The following MSH3 variants were observed in gnomAD, a reference collection of about 807,000 sequenced individuals.
The protein encoded by MSH3 is mutS homolog 3.
Under a neutral mutation model 123.3 loss-of-function variants are expected in MSH3, and 106 were observed. The observed-to-expected ratio is 0.86, with a 90% confidence interval of 0.73 to 1.01. The LOEUF (loss-of-function observed/expected upper bound fraction) is 1.01, where lower values mean the gene tolerates loss of function less well. MSH3 is among the 50% of genes least tolerant of loss of function. The pLI, the probability that MSH3 is intolerant of heterozygous loss-of-function variation, is 0.00. For missense variants in MSH3, 1,459 were observed against 1,347.6 expected (o/e 1.08, Z -1.29); for synonymous variants, 515 against 481.4 (o/e 1.07, Z -0.91).
intron 10 of MSH3, among the ~76,000 whole-genome samples, chr5:80,734,825 T>C (rs1449179217): frequency 1.3e-5 from 2 of 152,164 alleles, no homozygotes; most frequent in African/African-American, 4.8e-5. Context: ...CTAGTTTCCC[T>C]GCGCCCACCA....
intron 20 of MSH3, among the ~76,000 whole-genome samples, chr5:80,833,589 C>T (rs1745457753): frequency 6.6e-6 from 1 of 152,058 alleles, no homozygotes; most frequent in Admixed American, 6.6e-5. Context: ...ACTACAGGAG[C>T]GTGCCACCAC....
At chr5:80,771,513 T>C (rs1744213004) in intron 15 of MSH3, among the ~76,000 whole-genome samples, 1 of 151,392 alleles carries the variant, frequency 6.6e-6, no homozygotes, top group African/African-American at 2.4e-5. Context: ...TATTCTCAAA[T>C]TATTTAGAGG....
chr5:80,740,650 G>A (rs26268), intron 10 of MSH3, among the ~76,000 whole-genome samples: 18,991 of 151,798 alleles, frequency 0.13, 1,319 homozygotes, highest in Middle Eastern at 0.2. Context: ...GTGAGCCACT[G>A]TGCCTGGCCG....
chr5:80,828,457 A>G (rs756002728), intron 20 of MSH3, among the ~76,000 whole-genome samples: 7 of 152,208 alleles, frequency 4.6e-5, no homozygotes, highest in Non-Finnish European at 5.9e-5. Context: ...AGAGGGGACA[A>G]ACATTCAAAC....
chr5:80,700,384 T>A (rs1398479212), intron 8 of MSH3, among the ~76,000 whole-genome samples: 1 of 152,088 alleles, frequency 6.6e-6, no homozygotes, highest in Non-Finnish European at 1.5e-5. Flanking sequence ...ATTCTGGTAG[T>A]AGAGATGGTA....
chr5:80,770,171 C>T (rs982029987), intron 15 of MSH3, among the ~76,000 whole-genome samples: 1 of 152,114 alleles, frequency 6.6e-6, no homozygotes, highest in African/African-American at 2.4e-5. Flanking sequence ...GGCCTAAAGG[C>T]CACTATTCTG....
At position 80,805,160 on chromosome 5, in the gene MSH3, G is replaced by A. The variant is rs1196743954; in HGVS notation, c.2656-8424G>A. Among the ~76,000 whole-genome samples, 4 of 152,328 alleles carry A rather than the reference G, an allele frequency of 2.6e-5. No individual in the cohort carries two copies. The East Asian group carries it at 5.8e-4, about 22-fold the overall frequency. On this transcript the variant is annotated intron_variant, in intron 19 of 23. Coordinates refer to ENST00000265081, the MANE Select transcript of MSH3 (RefSeq NM_002439.5). Reference sequence around the variant, plus strand: ...ATTTCATGTTTCAATAGATGCCAAAGCAAAGCACTGAGTGTGTTGGTATTT... The same window carrying A: ...ATTTCATGTTTCAATAGATGCCAAAACAAAGCACTGAGTGTGTTGGTATTT...
Position 80,665,234 on chromosome 5 carries a change from A to G in MSH3, c.450A>G (p.Arg150=). 1 of 1,614,176 alleles carries G rather than the reference A, an allele frequency of 6.2e-7. No individual in the cohort carries two copies. Among genetic ancestry groups the G allele is most frequent in the Non-Finnish European group, 8.5e-7 (1 of 1,180,000 alleles). ...GCGATTCTGCCCTTCCTCAAAGTAGAGTCCAGACAGAATCTCTGCAGGAGA... is the reference window on the plus strand; with the variant it reads ...GCGATTCTGCCCTTCCTCAAAGTAGGGTCCAGACAGAATCTCTGCAGGAGA... ...FCCDSALPQS[R]VQTESLQERF... Residue 150 remains arginine, a synonymous_variant, in exon 3 of 24, where the codon AGA becomes AGG. Transcript: ENST00000265081.
chr5:80,746,287 G>A (rs1168578786), intron 12 of MSH3: 3 of 310,334 alleles, frequency 9.7e-6, no homozygotes, highest in Non-Finnish European at 1.9e-5. Flanking sequence ...ACAGAGCAGG[G>A]CAGCTAGTAT....
intron 16 of MSH3, among the ~76,000 whole-genome samples, chr5:80,776,417 A>G (rs765832073): frequency 1.3e-5 from 2 of 152,138 alleles, no homozygotes; most frequent in Non-Finnish European, 2.9e-5. Context: ...TATGCCTGAC[A>G]TTTCTTTTAA....
In MSH3 at chr5:80,654,889, TGCAGCGGCCGCAGCGG is replaced by T; in HGVS notation, c.163_178del (p.Ala55ProfsTer20). 1.2e-6 allele frequency: 1 copy of T among 825,138 alleles called. No individual in the cohort carries two copies. Among genetic ancestry groups the T allele is most frequent in the Admixed American group, 2.9e-5 (1 of 34,990 alleles). 51.1% of individuals were successfully genotyped at this position (825,138 alleles called of 1,614,324 possible). On this transcript the variant is annotated frameshift_variant, in exon 1 of 24. Coordinates refer to ENST00000265081, the MANE Select transcript of MSH3 (RefSeq NM_002439.5). LOFTEE classifies it high-confidence loss of function. ...AGGTGGACCCTGGCGCTGCAGCGGC[TGCAGCGGCCGCAGCGG>T]CCGCAGCGCCCCCAGCGCCCCCAGC...
chr5:80,820,142 G>T (rs527913337), intron 20 of MSH3, among the ~76,000 whole-genome samples: 1 of 152,296 alleles, frequency 6.6e-6, no homozygotes, highest in East Asian at 1.9e-4. Context: ...ATAAGGATGA[G>T]GGCTTAAAAT....
At chr5:80,839,390 A>G (rs548502166) in intron 20 of MSH3, among the ~76,000 whole-genome samples, 1 of 152,214 alleles carries the variant, frequency 6.6e-6, no homozygotes, top group South Asian at 2.1e-4. Context: ...TAAATTTGCT[A>G]CTTATATGTG....
intron 9 of MSH3, among the ~76,000 whole-genome samples, chr5:80,726,707 G>A (rs1050413902): frequency 1.1e-4 from 16 of 151,994 alleles, no homozygotes; most frequent in African/African-American, 3.6e-4. Context: ...GGGCTCAAAC[G>A]ATCCTCCCAC....
intron 20 of MSH3, among the ~76,000 whole-genome samples, chr5:80,848,546 G>T (rs1049900258): frequency 5.3e-5 from 8 of 152,188 alleles, no homozygotes; most frequent in African/African-American, 1.9e-4. Context: ...CCACATGGCT[G>T]GGAAGGCCTC....
At chr5:80,689,259 G>T (rs1457100049) in intron 8 of MSH3, among the ~76,000 whole-genome samples, 1 of 152,140 alleles carries the variant, frequency 6.6e-6, no homozygotes, top group African/African-American at 2.4e-5. Flanking sequence ...GAGGATGCTG[G>T]CTGGGCACTA....
intron 19 of MSH3, among the ~76,000 whole-genome samples, chr5:80,805,294 A>G (rs922074033): frequency 3.3e-5 from 5 of 152,216 alleles, no homozygotes; most frequent in African/African-American, 4.8e-5. Flanking sequence ...TGGGAAACAA[A>G]CATAGTGATC....
intron 10 of MSH3, among the ~76,000 whole-genome samples, chr5:80,737,100 A>C (rs186510021): frequency 2.6e-5 from 4 of 152,322 alleles, no homozygotes; most frequent in South Asian, 2.1e-4. Flanking sequence ...ATTACAGATC[A>C]ATTATAAGTG....
At chr5:80,870,213 G>A (rs993408415) in intron 22 of MSH3, among the ~76,000 whole-genome samples, 3 of 150,260 alleles carry the variant, frequency 2.0e-5, no homozygotes, top group Non-Finnish European at 4.4e-5. Context: ...CAAATTTTTG[G>A]ATAGGGGGAT....
Sources: allele counts gnomAD v4.1 joint callset (sites outside exome capture counted in the v4.1 genomes callset), GRCh38; gene constraint gnomAD v4.1.1; transcripts MANE v1.5; gene names NCBI Gene and HGNC (gene_info 2026-07-23, HGNC 2026-07-21).